Variants in MARCOL observed in about 807,000 individuals in gnomAD.
MARCOL encodes MARCO like, also known as MARCO-like protein.
intron 1 of MARCOL, among the ~76,000 whole-genome samples, chr5:148,241,156 C>G (rs562568448): frequency 6.6e-6 from 1 of 151,732 alleles, no homozygotes; most frequent in African/African-American, 2.4e-5. Flanking sequence ...AAGCAGGTTG[C>G]TAAGCTTCTG....
intron 1 of MARCOL, among the ~76,000 whole-genome samples, chr5:148,239,269 G>T (rs1361994106): frequency 2.0e-5 from 3 of 151,740 alleles, no homozygotes; most frequent in African/African-American, 7.3e-5. Flanking sequence ...TAAATTTCTA[G>T]CTTTGAGATG....
Position 148,242,683 on chromosome 5 carries a change from TA to T in MARCOL, c.290del (p.Asn97ThrfsTer6). On this transcript the variant is annotated frameshift_variant, in exon 2 of 2. Coordinates refer to ENST00000638089, the MANE Select transcript of MARCOL (RefSeq NM_001363511.2). LOFTEE classifies it low-confidence loss of function (END_TRUNC). ...TTTAAGCAAGGGAGAGCAGGAGTTT[TA>T]AACCAGCCTGGGATTTTAAAGAATT... Reference protein sequence around the residue: ...RHFKQGRAGVLNQPGILKNSG... With the variant: ...RHFKQGRAGVXNQPGILKNSG... 2.5e-6 allele frequency: 1 copy of T among 398,426 alleles called. No homozygotes were observed. Among genetic ancestry groups the T allele is most frequent in the Non-Finnish European group, 4.4e-6 (1 of 225,956 alleles). 24.7% of individuals were successfully genotyped at this position (398,426 alleles called of 1,614,324 possible).
Position 148,238,665 on chromosome 5 carries a change from A to G in MARCOL, c.49+19A>G, listed in dbSNP as rs1335904673. The G allele has an allele frequency of 2.5e-6, 1 of 398,196 alleles. No homozygotes were observed. Among genetic ancestry groups the G allele is most frequent in the Non-Finnish European group, 4.4e-6 (1 of 225,380 alleles). 24.7% of individuals were successfully genotyped at this position (398,196 alleles called of 1,614,324 possible). On this transcript the variant is annotated intron_variant, in intron 1 of 1. Transcript: ENST00000638089. ...TTCTCAGGTAAGAAAGTCACAGTCA[A>G]TAGCTTTCCTTCCAAATCTCAAAGG...
chr5:148,240,303 T>TAATGA (rs1755950198), intron 1 of MARCOL, among the ~76,000 whole-genome samples: 1 of 151,944 alleles, frequency 6.6e-6, no homozygotes, highest in South Asian at 2.1e-4. Flanking sequence ...TTATATTGAT[T>TAATGA]GTCCTTGGAG....
Position 148,243,323 on chromosome 5 carries a change from A to G in MARCOL, c.*69A>G, listed in dbSNP as rs1472426149. The stretch of plus-strand genomic sequence containing the variant: ...AGAAGCCAGAGTCTTCTAGCCAACA[A>G]GGGAATCTAGGGTCATCTAGCTATC... On this transcript the variant is annotated 3_prime_UTR_variant, in exon 2 of 2. Transcript: ENST00000638089. 1 of 397,252 alleles carries G rather than the reference A, an allele frequency of 2.5e-6. No individual in the cohort carries two copies. Among genetic ancestry groups the G allele is most frequent in the Non-Finnish European group, 4.4e-6 (1 of 225,566 alleles). 24.6% of individuals were successfully genotyped at this position (397,252 alleles called of 1,614,324 possible). A position where few individuals can be genotyped will look rare whatever the true frequency, so the allele number is the denominator to read the frequency against.
At position 148,242,712 on chromosome 5, in the gene MARCOL, G is replaced by T. The variant is rs991561053; in HGVS notation, c.316G>T (p.Gly106Ter). The T allele has an allele frequency of 2.5e-6, 1 of 398,214 alleles. No individual in the cohort carries two copies. The highest frequency in any genetic ancestry group is 2.1e-5 in the African/African-American group (1 of 48,536). 24.7% of individuals were successfully genotyped at this position (398,214 alleles called of 1,614,324 possible). A position where few individuals can be genotyped will look rare whatever the true frequency, so the allele number is the denominator to read the frequency against. Residue 106 changes from glycine (G) to a stop codon, truncating the protein, a stop_gained, in exon 2 of 2, where the codon GGA (glycine) becomes TGA (stop). Transcript: ENST00000638089. LOFTEE classifies it low-confidence loss of function (END_TRUNC). ...LNQPGILKNSGKSNQKGNPES... is the reference protein window; with the variant it reads ...LNQPGILKNS ...CCAGCCTGGGATTTTAAAGAATTCA[G>T]GAAAATCTAACCAAAAAGGGAATCC...
Position 148,243,143 on chromosome 5 carries a change from AG to A in MARCOL, c.750del (p.Ser251HisfsTer44). ...GGTTGTCTAGCCATCAAGGGAAGCC[AG>A]GGTCATCTAGCCAACAAGGAAATCT... Reference protein sequence around the residue: ...PGLSSHQGKPGSSSQQGNLHL... With the variant: ...PGLSSHQGKPXSSSQQGNLHL... On this transcript the variant is annotated frameshift_variant, in exon 2 of 2. Coordinates refer to ENST00000638089, the MANE Select transcript of MARCOL (RefSeq NM_001363511.2). LOFTEE classifies it low-confidence loss of function (END_TRUNC). The A allele has an allele frequency of 2.5e-6, 1 of 399,552 alleles. No homozygotes were observed. Among genetic ancestry groups the A allele is most frequent in the Non-Finnish European group, 4.4e-6 (1 of 226,706 alleles). The allele number at this position is 399,552 out of a possible 1,614,324, so 24.8% of individuals were successfully genotyped here.
Position 148,243,145 on chromosome 5 carries a change from G to A in MARCOL, c.749G>A (p.Gly250Glu). ...TTGTCTAGCCATCAAGGGAAGCCAG[G>A]GTCATCTAGCCAACAAGGAAATCTA... ...PGLSSHQGKP[G>E]SSSQQGNLHL... The change falls in exon 2 of 2, where the codon GGG becomes GAG. Residue 250 changes from glycine to glutamate, a missense_variant. By Grantham distance (98) the Gly-to-Glu change is moderately conservative (BLOSUM62 -2). Transcript: ENST00000638089. 1 of 399,114 alleles carries A rather than the reference G, an allele frequency of 2.5e-6. No homozygotes were observed. The highest frequency in any genetic ancestry group is 4.4e-5 in the Admixed American group (1 of 22,690). The allele number at this position is 399,114 out of a possible 1,614,324, so 24.7% of individuals were successfully genotyped here.
chr5:148,240,397 T>C (rs1755951085), intron 1 of MARCOL, among the ~76,000 whole-genome samples: 1 of 151,896 alleles, frequency 6.6e-6, no homozygotes, highest in Admixed American at 6.6e-5. Context: ...ATACATAGGG[T>C]ATCCATCAAA....
In MARCOL at chr5:148,243,524, G is replaced by T; in HGVS notation, c.*270G>T. The T allele has an allele frequency of 2.9e-6, 1 of 348,050 alleles. No individual in the cohort carries two copies. The highest frequency in any genetic ancestry group is 5.1e-6 in the Non-Finnish European group (1 of 194,808). 21.6% of individuals were successfully genotyped at this position (348,050 alleles called of 1,614,324 possible). A position where few individuals can be genotyped will look rare whatever the true frequency, so the allele number is the denominator to read the frequency against. On this transcript the variant is annotated 3_prime_UTR_variant, in exon 2 of 2. Transcript: ENST00000638089. ...CATCTGGCCAGGAATGGAAGCCAGA[G>T]CCATCTAGCCATCAGAGAAAATTAA...
chr5:148,238,663 C>A lies in MARCOL; in HGVS notation c.49+17C>A. 2.5e-6 allele frequency: 1 copy of A among 398,070 alleles called. No individual in the cohort carries two copies. The highest frequency in any genetic ancestry group is 1.3e-4 in the South Asian group (1 of 7,844). 24.7% of individuals were successfully genotyped at this position (398,070 alleles called of 1,614,324 possible). On this transcript the variant is annotated intron_variant, in intron 1 of 1. Coordinates refer to ENST00000638089, the MANE Select transcript of MARCOL (RefSeq NM_001363511.2). ...TGTTCTCAGGTAAGAAAGTCACAGT[C>A]AATAGCTTTCCTTCCAAATCTCAAA...
intron 1 of MARCOL, among the ~76,000 whole-genome samples, chr5:148,239,849 G>A (rs1297807776): frequency 1.3e-5 from 2 of 151,810 alleles, no homozygotes; most frequent in Admixed American, 6.6e-5. Context: ...ATGGAAGAAA[G>A]TGTATTATAT....
Position 148,241,672 on chromosome 5 carries a change from T to C in MARCOL, c.50-774T>C, listed in dbSNP as rs576604719. Among the ~76,000 whole-genome samples the C allele has an allele frequency of 7.2e-5, 11 of 152,132 alleles. No homozygotes were observed. In the East Asian group the frequency reaches 1.4e-3, roughly 19 times the overall value. ...TGAAAAAACATAAAACATATACACA[T>C]ACACACAATTACATATATTTCATTA... On this transcript the variant is annotated intron_variant, in intron 1 of 1. Transcript: ENST00000638089.
At chr5:148,239,399 C>T (rs181678641) in intron 1 of MARCOL, among the ~76,000 whole-genome samples, 1 of 151,950 alleles carries the variant, frequency 6.6e-6, no homozygotes, top group Non-Finnish European at 1.5e-5. Flanking sequence ...CTTTCTTATA[C>T]CTAGTGAAAT....
chr5:148,241,229 T>C (rs1320793250), intron 1 of MARCOL, among the ~76,000 whole-genome samples: 4 of 151,894 alleles, frequency 2.6e-5, no homozygotes, highest in Non-Finnish European at 5.9e-5. Context: ...TGCATACCAA[T>C]TGACTATCAT....
rs529637058 is a variant in MARCOL at position 148,242,497 on chromosome 5, C to T, written c.101C>T (p.Pro34Leu). ...NTSVFKLEEN[P>L]KPALILEEKN... ...AGTGTTTTCAAACTAGAAGAGAATC[C>T]AAAACCTGCACTTATTCTGGAGGAA... The change falls in exon 2 of 2, where the codon CCA becomes CTA. Residue 34 changes from proline (P) to leucine (L), a missense_variant. Transcript: ENST00000638089. 123 of 398,118 alleles carry T rather than the reference C, an allele frequency of 3.1e-4. No homozygotes were observed. In the South Asian group the frequency reaches 3.3e-3, roughly 11 times the overall value. The allele number at this position is 398,118 out of a possible 1,614,324, so 24.7% of individuals were successfully genotyped here.
chr5:148,241,114 A>AT (rs1755959532), intron 1 of MARCOL, among the ~76,000 whole-genome samples: 1 of 148,608 alleles, frequency 6.7e-6, no homozygotes, highest in African/African-American at 2.4e-5. Flanking sequence ...TTATACTCAC[A>AT]ATCCATATCC....
intron 1 of MARCOL, among the ~76,000 whole-genome samples, chr5:148,240,203 TATG>T (rs1318793587): frequency 2.6e-5 from 4 of 151,896 alleles, no homozygotes; most frequent in African/African-American, 9.7e-5. Context: ...CTAAATAAAT[TATG>T]ATAAACCCAT....
chr5:148,243,326 G>T lies in MARCOL; in HGVS notation c.*72G>T. On this transcript the variant is annotated 3_prime_UTR_variant, in exon 2 of 2. Transcript: ENST00000638089. The stretch of plus-strand genomic sequence containing the variant: ...AGCCAGAGTCTTCTAGCCAACAAGG[G>T]AATCTAGGGTCATCTAGCTATCAAG... 2 of 397,720 alleles carry T rather than the reference G, an allele frequency of 5.0e-6. No homozygotes were observed. Among genetic ancestry groups the T allele is most frequent in the East Asian group, 3.6e-5 (1 of 28,020 alleles). The allele number at this position is 397,720 out of a possible 1,614,324, so 24.6% of individuals were successfully genotyped here.
Sources: gnomAD v4.1 joint callset for allele counts (sites outside exome capture counted in the v4.1 genomes callset) on GRCh38, gnomAD v4.1.1 for gene constraint, MANE v1.5 for transcripts, NCBI Gene and HGNC (gene_info 2026-07-23, HGNC 2026-07-21) for gene names.